Variants in NALF1 observed in about 807,000 individuals in gnomAD.
NALF1 encodes the protein family with sequence similarity 155 member A.
Under a neutral mutation model 48.4 loss-of-function variants are expected in NALF1, and 3 were observed. The observed-to-expected ratio is 0.06, with a 90% confidence interval of 0.03 to 0.16. The LOEUF is 0.16. Among genes scored for constraint, NALF1 ranks in the 10% least tolerant of loss-of-function variants. The probability of loss-of-function intolerance (pLI) is 1.00; values close to 1 mark genes in which losing one functional copy is unlikely to be tolerated. For synonymous variants in NALF1, 262 were observed against 245.7 expected (o/e 1.07, Z -0.62); for missense variants, 526 against 571.5 (o/e 0.92, Z 0.81).
At chr13:107,678,284 A>T (rs971199683) in intron 1 of NALF1, among the ~76,000 whole-genome samples, 18 of 152,116 alleles carry the variant, frequency 1.2e-4, no homozygotes, top group Non-Finnish European at 1.5e-4. Flanking sequence ...GGCCGGCAGG[A>T]GGTGTGTGAG....
intron 1 of NALF1, among the ~76,000 whole-genome samples, chr13:107,415,208 C>T (rs1419613886): frequency 6.6e-6 from 1 of 152,236 alleles, no homozygotes; most frequent in East Asian, 1.9e-4. Flanking sequence ...TACATCCTAT[C>T]TTCATAAACA....
chr13:107,213,560 C>T (rs968453852), intron 1 of NALF1, among the ~76,000 whole-genome samples: 1 of 151,976 alleles, frequency 6.6e-6, no homozygotes, highest in African/African-American at 2.4e-5. Flanking sequence ...AATCGAAATC[C>T]GAAGGACGGA....
chr13:107,482,815 C>A (rs1242944876), intron 1 of NALF1, among the ~76,000 whole-genome samples: 1 of 152,110 alleles, frequency 6.6e-6, no homozygotes. Flanking sequence ...AAAGCAGTTC[C>A]CTAGCCATAC....
intron 1 of NALF1, among the ~76,000 whole-genome samples, chr13:107,300,523 C>T (rs886334332): frequency 3.3e-5 from 5 of 152,158 alleles, no homozygotes; most frequent in Admixed American, 2.0e-4. Flanking sequence ...AATGAGCATA[C>T]TTTACAAGTA....
intron 1 of NALF1, among the ~76,000 whole-genome samples, chr13:107,723,042 C>T (rs191372752): frequency 2.0e-5 from 3 of 152,304 alleles, no homozygotes; most frequent in African/African-American, 4.8e-5. Flanking sequence ...AAAGCCATCT[C>T]GTTAGAATTC....
intron 1 of NALF1, among the ~76,000 whole-genome samples, chr13:107,628,804 T>C (rs1267673790): frequency 6.6e-6 from 1 of 152,160 alleles, no homozygotes; most frequent in Non-Finnish European, 1.5e-5. Flanking sequence ...TTTTTAATAA[T>C]CATGGCATCT....
intron 1 of NALF1, among the ~76,000 whole-genome samples, chr13:107,265,202 T>C (rs943795598): frequency 6.6e-6 from 1 of 152,244 alleles, no homozygotes; most frequent in Admixed American, 6.5e-5. Flanking sequence ...GAATTGCCTA[T>C]GCATAACTTT....
chr13:107,295,272 A>G (rs961691404), intron 1 of NALF1, among the ~76,000 whole-genome samples: 9 of 152,226 alleles, frequency 5.9e-5, no homozygotes, highest in Non-Finnish European at 1.2e-4. Context: ...TAATTCACTT[A>G]AGATAATGAC....
At chr13:107,210,451 G>C (rs1879737125) in intron 2 of NALF1, 133 bp downstream of exon 2, 4 of 650,538 alleles carry the variant, frequency 6.1e-6, no homozygotes, top group Non-Finnish European at 5.5e-6. Context: ...GCTTCTATTA[G>C]TGAAAGTGCG....
At chr13:107,443,371 A>AG (rs1884597823) in intron 1 of NALF1, among the ~76,000 whole-genome samples, 1 of 151,918 alleles carries the variant, frequency 6.6e-6, no homozygotes. Flanking sequence ...GCCTGCCATC[A>AG]CACCCAGTTA....
chr13:107,725,334 A>G (rs1322407067), intron 1 of NALF1, among the ~76,000 whole-genome samples: 1 of 152,208 alleles, frequency 6.6e-6, no homozygotes, highest in Non-Finnish European at 1.5e-5. Flanking sequence ...TTATAATAAT[A>G]TCTATGATGT....
At chr13:107,317,325 A>C (rs1882169886) in intron 1 of NALF1, among the ~76,000 whole-genome samples, 2 of 152,108 alleles carry the variant, frequency 1.3e-5, no homozygotes. Flanking sequence ...CTATCATTAA[A>C]GCATATCTGT....
At chr13:107,809,012 T>C (rs987922049) in intron 1 of NALF1, among the ~76,000 whole-genome samples, 2 of 152,032 alleles carry the variant, frequency 1.3e-5, no homozygotes, top group African/African-American at 2.4e-5. Flanking sequence ...ATACAAAATT[T>C]TCAGTGAAAA....
chr13:107,657,139 A>C (rs1880600976), intron 1 of NALF1, among the ~76,000 whole-genome samples: 1 of 151,786 alleles, frequency 6.6e-6, no homozygotes. Flanking sequence ...CATGCAACCA[A>C]ACAATACCTG....
intron 1 of NALF1, among the ~76,000 whole-genome samples, chr13:107,446,458 C>T (rs1884652932): frequency 6.6e-6 from 1 of 151,472 alleles, no homozygotes; most frequent in African/African-American, 2.4e-5. Context: ...ATTGGAATTA[C>T]ACCCTGTATG....
intron 1 of NALF1, among the ~76,000 whole-genome samples, chr13:107,568,469 G>C (rs546081103): frequency 5.9e-5 from 9 of 152,326 alleles, no homozygotes; most frequent in Non-Finnish European, 1.3e-4. Flanking sequence ...GTGTGCCTCA[G>C]AGTGCAATTA....
intron 1 of NALF1, among the ~76,000 whole-genome samples, chr13:107,638,231 A>G (rs896736341): frequency 7.1e-6 from 1 of 140,320 alleles, no homozygotes; most frequent in African/African-American, 2.6e-5. Context: ...ATTGGGAGAT[A>G]TTATTTAAGA....
intron 1 of NALF1, among the ~76,000 whole-genome samples, chr13:107,317,098 G>A (rs1158116339): frequency 1.3e-5 from 2 of 152,032 alleles, no homozygotes; most frequent in African/African-American, 4.8e-5. Context: ...TAGTAACCAA[G>A]ACTATAATTC....
intron 1 of NALF1, among the ~76,000 whole-genome samples, chr13:107,566,757 A>C (rs1296669006): frequency 6.6e-6 from 1 of 152,182 alleles, no homozygotes; most frequent in African/African-American, 2.4e-5. Context: ...AATTTCATAG[A>C]GTACCATTAG....
Sources: allele counts gnomAD v4.1 joint callset (sites outside exome capture counted in the v4.1 genomes callset), GRCh38; gene constraint gnomAD v4.1.1; transcripts MANE v1.5; gene names NCBI Gene and HGNC (gene_info 2026-07-23, HGNC 2026-07-21).